The following KIAA1958 variants were observed in gnomAD, a reference collection of about 807,000 sequenced individuals.
The protein encoded by KIAA1958 is KIAA1958.
Under a neutral mutation model 47.2 loss-of-function variants are expected in KIAA1958, and 14 were observed. That is an observed-to-expected ratio of 0.30 (90% CI 0.20 to 0.46). The LOEUF (loss-of-function observed/expected upper bound fraction) is 0.46, where lower values mean the gene tolerates loss of function less well. KIAA1958 is among the 20% of genes least tolerant of loss of function. The pLI is 1.00. For synonymous variants in KIAA1958, 354 were observed against 353.3 expected (o/e 1.00, Z -0.02); for missense variants, 803 against 909.2 (o/e 0.88, Z 1.50).
rs7042177 is a variant in KIAA1958, at chr9:112,538,380, G to A, written c.-24-35677G>A. Among the ~76,000 whole-genome samples the A allele has an allele frequency of 8.3e-3, 1,269 of 152,024 alleles. 20 individuals are homozygous for A. The highest frequency in any genetic ancestry group is 0.029 in the African/African-American group (1,215 of 41,490). On this transcript the variant is annotated intron_variant, in intron 1 of 3. Coordinates refer to ENST00000337530, the MANE Select transcript of KIAA1958 (RefSeq NM_133465.4). ...AAAAAGAAAGAAAGAAAAAAAAGAT[G>A]TGTCAGACTGAACTAAATAAACCTC...
intron 1 of KIAA1958, among the ~76,000 whole-genome samples, chr9:112,527,749 C>T (rs1430073100): frequency 1.3e-5 from 2 of 152,022 alleles, no homozygotes; most frequent in East Asian, 1.9e-4. Flanking sequence ...CCAGCCTGGA[C>T]AACGTGGTGA....
At chr9:112,531,140 G>A (rs558986686) in intron 1 of KIAA1958, among the ~76,000 whole-genome samples, 4 of 152,312 alleles carry the variant, frequency 2.6e-5, no homozygotes, top group South Asian at 4.1e-4. Context: ...TGTAATCCCA[G>A]GACTTTGGGA....
intron 2 of KIAA1958, among the ~76,000 whole-genome samples, chr9:112,635,377 G>A (rs947883499): frequency 4.1e-4 from 63 of 151,918 alleles, no homozygotes; most frequent in African/African-American, 1.4e-3. Flanking sequence ...CAGCCTCCAA[G>A]TAGCTGAGAC....
chr9:112,534,936 TTTTG>T (rs1215678238), intron 1 of KIAA1958, among the ~76,000 whole-genome samples: 1 of 152,260 alleles, frequency 6.6e-6, no homozygotes, highest in Non-Finnish European at 1.5e-5. Flanking sequence ...GGTTCTTTTA[TTTTG>T]TTTATGTCTC....
chr9:112,564,427 C>T lies in KIAA1958; in HGVS notation c.-24-9630C>T, dbSNP rs527598688. Among the ~76,000 whole-genome samples the T allele has an allele frequency of 5.8e-4, 88 of 152,242 alleles. 1 individual carries two copies. The highest frequency in any genetic ancestry group is 2.1e-3 in the African/African-American group (88 of 41,532). On this transcript the variant is annotated intron_variant, in intron 1 of 3. Coordinates refer to ENST00000337530, the MANE Select transcript of KIAA1958 (RefSeq NM_133465.4). ...TCTAAAAGGTTCAGAACCTTGTAAACAGAGAGACTACAAGGATTTTTGGGT... is the reference window on the plus strand; with the variant it reads ...TCTAAAAGGTTCAGAACCTTGTAAATAGAGAGACTACAAGGATTTTTGGGT...
intron 2 of KIAA1958, among the ~76,000 whole-genome samples, chr9:112,623,714 A>G (rs1032962913): frequency 6.6e-6 from 1 of 152,186 alleles, no homozygotes; most frequent in Admixed American, 6.5e-5. Flanking sequence ...AAGTGTGTAT[A>G]TGTGTATAAT....
intron 1 of KIAA1958, among the ~76,000 whole-genome samples, chr9:112,545,725 CTTTTGTTGTTTTTTATTTTCT>C (rs1835016853): frequency 6.7e-6 from 1 of 150,000 alleles, no homozygotes; most frequent in South Asian, 2.1e-4. Context: ...CTGGTTAGCA[CTTTTGTTGTTTTTTATTTTCT>C]TTTTGGGTCC....
intron 3 of KIAA1958, among the ~76,000 whole-genome samples, chr9:112,654,823 G>A (rs142996291): frequency 2.6e-5 from 4 of 152,176 alleles, no homozygotes; most frequent in East Asian, 3.9e-4. Context: ...ACTAACCTAC[G>A]CTGATAGCTT....
intron 2 of KIAA1958, among the ~76,000 whole-genome samples, chr9:112,592,275 A>G (rs1835937895): frequency 6.6e-6 from 1 of 152,210 alleles, no homozygotes; most frequent in African/African-American, 2.4e-5. Context: ...CATATCTAAC[A>G]GGGAGATTGC....
chr9:112,554,607 C>G (rs866664511), intron 1 of KIAA1958, among the ~76,000 whole-genome samples: 1 of 152,106 alleles, frequency 6.6e-6, no homozygotes, highest in African/African-American at 2.4e-5. Flanking sequence ...AACCATGGTT[C>G]TCAAATGCAC....
At chr9:112,517,086 G>GA (rs1834449111) in intron 1 of KIAA1958, among the ~76,000 whole-genome samples, 3 of 61,886 alleles carry the variant, frequency 4.8e-5, no homozygotes, top group African/African-American at 1.9e-4. Flanking sequence ...CTCTATGTAG[G>GA]AAGAAACCTT....
Position 112,618,523 on chromosome 9 carries a change from C to G in KIAA1958, c.1172-27127C>G. 6.4e-7 allele frequency: 1 copy of G among 1,550,724 alleles called. No homozygotes were observed. Among genetic ancestry groups the G allele is most frequent in the Non-Finnish European group, 8.7e-7 (1 of 1,147,024 alleles). On this transcript the variant is annotated intron_variant, in intron 2 of 3. Coordinates refer to ENST00000337530, the MANE Select transcript of KIAA1958 (RefSeq NM_133465.4). The surrounding 1 kb of genome is among the most constrained non-coding windows in gnomAD (Gnocchi z 7.1). The stretch of plus-strand genomic sequence containing the variant: ...GGACAGACTCCCGTGTGTATGCCAC[C>G]CAGCACGCCCCACAGACCTGCCCTG...
Position 112,574,277 on chromosome 9 carries a change from C to A in KIAA1958, c.197C>A (p.Ala66Asp), listed in dbSNP as rs1461844231. ...TGGCCACTAACAGCTACTTGCAGAG[C>A]TGGGTCCCAAGAGAGGGTCTGTTTC... ...YHWPLTATCR[A>D]GSQERVCFQD... The change falls in exon 2 of 4, where the codon GCT (alanine) becomes GAT (aspartate). Residue 66 changes from alanine (A) to aspartate (D), a missense_variant. Transcript: ENST00000337530. The A allele has an allele frequency of 6.2e-7, 1 of 1,614,018 alleles. No homozygotes were observed.
At chr9:112,619,860 CA>C (rs1168952999) in intron 2 of KIAA1958, among the ~76,000 whole-genome samples, 1 of 151,962 alleles carries the variant, frequency 6.6e-6, no homozygotes, top group Non-Finnish European at 1.5e-5. Context: ...GTCGAGACAA[CA>C]AAAAAACTCA....
intron 1 of KIAA1958, among the ~76,000 whole-genome samples, chr9:112,556,857 G>C (rs1424131883): frequency 6.6e-6 from 1 of 152,200 alleles, no homozygotes; most frequent in Non-Finnish European, 1.5e-5. Flanking sequence ...GGGTAGTGGG[G>C]CAGGGAGACA....
rs75097724 is a variant in KIAA1958, at chr9:112,569,226, G to T, written c.-24-4831G>T. ...TGAGCATTGCCTATTAAATTTCCCCGTTTTCTGTGCCATGCTTCTGTATTG... is the reference window on the plus strand; with the variant it reads ...TGAGCATTGCCTATTAAATTTCCCCTTTTTCTGTGCCATGCTTCTGTATTG... On this transcript the variant is annotated intron_variant, in intron 1 of 3. Coordinates refer to ENST00000337530, the MANE Select transcript of KIAA1958 (RefSeq NM_133465.4). 3.2e-3 allele frequency among the ~76,000 whole-genome samples: 488 copies of T among 152,042 alleles called. 16 individuals are homozygous for T. The East Asian group carries it at 0.085, about 26-fold the overall frequency.
intron 1 of KIAA1958, among the ~76,000 whole-genome samples, chr9:112,526,750 G>A (rs573562281): frequency 9.9e-5 from 15 of 152,284 alleles, no homozygotes; most frequent in African/African-American, 1.7e-4. Context: ...GGTGGAACCC[G>A]CATGGCCTAG....
intron 1 of KIAA1958, among the ~76,000 whole-genome samples, chr9:112,533,287 G>T (rs1321639611): frequency 6.6e-6 from 1 of 151,832 alleles, no homozygotes; most frequent in Non-Finnish European, 1.5e-5. Context: ...AAGAGGTTTG[G>T]CCAGGCACGG....
At chr9:112,635,479 T>G (rs1836790337) in intron 2 of KIAA1958, among the ~76,000 whole-genome samples, 1 of 152,168 alleles carries the variant, frequency 6.6e-6, no homozygotes, top group Admixed American at 6.5e-5. Flanking sequence ...CTCAAACTCC[T>G]CAGCTCAAGT....
Sources: allele counts gnomAD v4.1 joint callset (sites outside exome capture counted in the v4.1 genomes callset), GRCh38; gene constraint gnomAD v4.1.1; non-coding constraint Gnocchi (gnomAD v3.1); transcripts MANE v1.5; gene names NCBI Gene and HGNC (gene_info 2026-07-23, HGNC 2026-07-21).